The following LIPI variants were observed in gnomAD, a reference collection of about 807,000 sequenced individuals.
LIPI encodes lipase I, also known as lipase member I.
In LIPI, 59 loss-of-function variants were observed where a neutral mutation model predicts 50.6. That is an observed-to-expected ratio of 1.16 (90% CI 0.94 to 1.45). The LOEUF (loss-of-function observed/expected upper bound fraction) is 1.45. Among genes scored for constraint, LIPI ranks in the 40% most tolerant of loss-of-function variants. The pLI is 0.00. For missense variants in LIPI, 586 were observed against 536.3 expected, an observed-to-expected ratio of 1.09 and a Z score of -0.92; for synonymous variants, 203 against 178.2, an observed-to-expected ratio of 1.14 and a Z score of -1.11.
chr21:14,206,808 A>C (rs2020238586), intron 1 of LIPI: 2 of 1,522,012 alleles, frequency 1.3e-6, no homozygotes, highest in East Asian at 2.3e-5. Flanking sequence ...AAGTTAAAAG[A>C]GATTACCTGA....
At position 14,163,371 on chromosome 21, in the gene LIPI, A is replaced by C. The variant is rs780967619; in HGVS notation, c.1006+48T>G. 3.3e-6 allele frequency: 3 copies of C among 907,116 alleles called. No individual in the cohort carries two copies. The South Asian group carries it at 4.1e-5, about 12-fold the overall frequency. The allele number at this position is 907,116 out of a possible 1,614,324, so 56.2% of individuals were successfully genotyped here. A position where few individuals can be genotyped will look rare whatever the true frequency, so the allele number is the denominator to read the frequency against. ...CTTTGAATCAAATGTAGATTAGTGC[A>C]AAAAAAACTAAAAATTTGTTTATTT... On this transcript the variant is annotated intron_variant, in intron 7 of 9. Transcript: ENST00000681601.
At chr21:14,149,641 G>T (rs910062610) in intron 8 of LIPI, among the ~76,000 whole-genome samples, 6 of 152,174 alleles carry the variant, frequency 3.9e-5, no homozygotes, top group Non-Finnish European at 1.5e-5. Context: ...GGGGGTACAA[G>T]CATTGGGTAA....
At chr21:14,122,746 C>T (rs2016912366) in intron 9 of LIPI, among the ~76,000 whole-genome samples, 2 of 152,130 alleles carry the variant, frequency 1.3e-5, no homozygotes, top group Non-Finnish European at 2.9e-5. Context: ...CTTAATTTGA[C>T]CATATTAAAG....
intron 7 of LIPI, among the ~76,000 whole-genome samples, 154 bp downstream of exon 7, chr21:14,163,265 G>T (rs1220086259): frequency 6.6e-6 from 1 of 151,878 alleles, no homozygotes; most frequent in Non-Finnish European, 1.5e-5. Flanking sequence ...CAAGTCCTTA[G>T]TTGAATTTGT....
chr21:14,189,327 T>C lies in LIPI; in HGVS notation c.139A>G (p.Met47Val). 1 of 1,613,190 alleles carries C rather than the reference T, an allele frequency of 6.2e-7. No homozygotes were observed. The highest frequency in any genetic ancestry group is 1.7e-4 in the Middle Eastern group (1 of 6,058). Reference protein sequence around the residue: ...FIPRIETILMMYTRNNLNCAE... With the variant: ...FIPRIETILMVYTRNNLNCAE... ...CAGTTTAGGTTGTTCCTTGTATACA[T>C]CATCAGAATGGTCTCTATTCTCGGA... Residue 47 changes from methionine to valine, a missense_variant, in exon 2 of 10, where the codon ATG (methionine) becomes GTG (valine). Transcript: ENST00000681601.
At chr21:14,196,373 C>G (rs1001559872) in intron 1 of LIPI, among the ~76,000 whole-genome samples, 1 of 152,088 alleles carries the variant, frequency 6.6e-6, no homozygotes, top group Non-Finnish European at 1.5e-5. Context: ...AATATTTAAT[C>G]TAGCGTCATA....
chr21:14,110,801 G>A (rs77862035), intron 9 of LIPI, among the ~76,000 whole-genome samples: 2,195 of 151,602 alleles, frequency 0.014, 40 homozygotes, highest in African/African-American at 0.047. Context: ...TGTTGCCAAT[G>A]ATGGGATTTC....
rs191464477 is a variant in LIPI at position 14,119,849 on chromosome 21, C to T, written c.1296-10769G>A. On this transcript the variant is annotated intron_variant, in intron 9 of 9. Transcript: ENST00000681601. ...CCCTGTTTCAAGGAACTGGCCGCCA[C>T]TGCCTTGTTAGCCGAGGATGCTAAC... Among the ~76,000 whole-genome samples the T allele has an allele frequency of 4.3e-4, 65 of 152,310 alleles. 1 individual carries two copies. The highest frequency in any genetic ancestry group is 1.4e-3 in the African/African-American group (60 of 41,564).
At chr21:14,176,680 G>GC (rs1555856493) in intron 4 of LIPI, among the ~76,000 whole-genome samples, 1 of 141,682 alleles carries the variant, frequency 7.1e-6, no homozygotes, top group East Asian at 2.1e-4. Flanking sequence ...TGAGAATATT[G>GC]TTTTTTTTTC....
chr21:14,161,599 A>T (rs1193917742), intron 7 of LIPI, among the ~76,000 whole-genome samples: 1 of 117,938 alleles, frequency 8.5e-6, no homozygotes, highest in South Asian at 2.3e-4. Flanking sequence ...TATATAATAT[A>T]TTAATATATA....
In LIPI at chr21:14,166,594, G is replaced by A. The variant is rs1232030833; in HGVS notation, c.644-143C>T. 4 of 645,346 alleles carry A rather than the reference G, an allele frequency of 6.2e-6. No individual in the cohort carries two copies. In the Admixed American group the frequency reaches 1.1e-4, roughly 18 times the overall value. The allele number at this position is 645,346 out of a possible 1,614,324, so 40.0% of individuals were successfully genotyped here. A position where few individuals can be genotyped will look rare whatever the true frequency, so the allele number is the denominator to read the frequency against. ...ATAAGTGCTGTTTTTATAAAGATAA[G>A]TTTTTCTTCTATAATTCCTTCATGA... On this transcript the variant is annotated intron_variant, in intron 4 of 9. Coordinates refer to ENST00000681601, the MANE Select transcript of LIPI (RefSeq NM_001302998.2).
intron 4 of LIPI, among the ~76,000 whole-genome samples, chr21:14,179,030 T>C (rs2019183650): frequency 1.3e-5 from 2 of 152,160 alleles, no homozygotes; most frequent in Admixed American, 6.6e-5. Context: ...GCTTCTATAA[T>C]GTCCTTTGGA....
chr21:14,186,255 T>C (rs1279606974), intron 2 of LIPI, among the ~76,000 whole-genome samples, 186 bp from the exon 3 acceptor site: 1 of 152,204 alleles, frequency 6.6e-6, no homozygotes, highest in Non-Finnish European at 1.5e-5. Context: ...CACAAAATAT[T>C]TGATTTTTCT....
chr21:14,175,227 T>A (rs1174894819), intron 4 of LIPI, among the ~76,000 whole-genome samples: 5 of 152,224 alleles, frequency 3.3e-5, no homozygotes, highest in Non-Finnish European at 2.9e-5. Context: ...ATTATGAGTA[T>A]CTTTGATTTT....
intron 1 of LIPI, among the ~76,000 whole-genome samples, chr21:14,210,188 T>C (rs1273651558): frequency 6.6e-6 from 1 of 152,078 alleles, no homozygotes; most frequent in Admixed American, 6.5e-5. Flanking sequence ...TTGTTCTACT[T>C]ATAAGTCGAA....
At chr21:14,175,682 TACC>T (rs2019069563) in intron 4 of LIPI, among the ~76,000 whole-genome samples, 1 of 152,204 alleles carries the variant, frequency 6.6e-6, no homozygotes, top group South Asian at 2.1e-4. Flanking sequence ...CATGTATGCA[TACC>T]ACAAGGAAAT....
chr21:14,166,842 G>A (rs1329610133), intron 4 of LIPI, among the ~76,000 whole-genome samples: 1 of 152,186 alleles, frequency 6.6e-6, no homozygotes, highest in Admixed American at 6.5e-5. Flanking sequence ...ATCTCACTAG[G>A]GAGTGCCAGA....
In LIPI at chr21:14,181,862, G is replaced by T. The variant is rs772694106; in HGVS notation, c.542-3C>A. The T allele has an allele frequency of 1.3e-6, 2 of 1,559,706 alleles. No homozygotes were observed. The highest frequency in any genetic ancestry group is 1.8e-6 in the Non-Finnish European group (2 of 1,131,550). Reference sequence around the variant, plus strand: ...CCTTGGCCCAGCAGGGTCAAGACCTGGAAAGCAAGAAAGAAATAATCAGTC... The same window carrying T: ...CCTTGGCCCAGCAGGGTCAAGACCTTGAAAGCAAGAAAGAAATAATCAGTC... On this transcript the variant is annotated splice_region_variant and splice_polypyrimidine_tract_variant and intron_variant, in intron 3 of 9. Coordinates refer to ENST00000681601, the MANE Select transcript of LIPI (RefSeq NM_001302998.2).
chr21:14,183,788 A>T (rs1299258049), intron 3 of LIPI, among the ~76,000 whole-genome samples: 1 of 152,202 alleles, frequency 6.6e-6, no homozygotes, highest in Non-Finnish European at 1.5e-5. Context: ...ACCATCTCAC[A>T]CCAGTTAGAA....
Sources: gnomAD v4.1 joint callset for allele counts (sites outside exome capture counted in the v4.1 genomes callset) on GRCh38, gnomAD v4.1.1 for gene constraint, MANE v1.5 for transcripts, NCBI Gene and HGNC (gene_info 2026-07-23, HGNC 2026-07-21) for gene names.